The following ME3 variants were observed in gnomAD, a reference collection of about 807,000 sequenced individuals.
ME3 encodes NADP-dependent malic enzyme, mitochondrial.
Under a neutral mutation model 68.9 loss-of-function variants are expected in ME3, and 48 were observed. The ratio of observed to expected loss-of-function variants is 0.70; its 90% CI spans 0.55 to 0.89. The LOEUF (loss-of-function observed/expected upper bound fraction) is 0.89, where lower values mean the gene tolerates loss of function less well. Ranked by LOEUF, ME3 falls within the 40% of genes least tolerant of loss-of-function variation. The pLI is 0.00. For synonymous variants in ME3, 320 were observed against 318.8 expected (o/e 1.00, Z -0.04); for missense variants, 675 against 797.4 (o/e 0.85, Z 1.85).
At chr11:86,646,518 A>G (rs1382676547) in intron 2 of ME3, among the ~76,000 whole-genome samples, 1 of 152,222 alleles carries the variant, frequency 6.6e-6, no homozygotes, top group African/African-American at 2.4e-5. Flanking sequence ...AATGAAAAGT[A>G]ACAAACAAAG....
intron 2 of ME3, among the ~76,000 whole-genome samples, chr11:86,649,916 C>G (rs748783935): frequency 1.3e-5 from 2 of 152,156 alleles, no homozygotes; most frequent in African/African-American, 2.4e-5. Context: ...CTATTCCCAT[C>G]AAGCTACCAT....
intron 6 of ME3, among the ~76,000 whole-genome samples, chr11:86,494,209 G>A (rs1415104037): frequency 1.3e-5 from 2 of 152,184 alleles, no homozygotes; most frequent in Non-Finnish European, 2.9e-5. Context: ...CCATTCCCTG[G>A]AGGGGAGGAT....
chr11:86,526,377 G>A (rs181347027), intron 4 of ME3, among the ~76,000 whole-genome samples: 6,862 of 152,272 alleles, frequency 0.045, 166 homozygotes, highest in South Asian at 0.099. Flanking sequence ...CGGGAAGCTC[G>A]AACTGGGTGG....
chr11:86,462,724 T>A, intron 8 of ME3: 5 of 574,836 alleles, frequency 8.7e-6, no homozygotes, highest in Non-Finnish European at 1.5e-5. Flanking sequence ...TCCAGAAGCT[T>A]ATTATCTTCT....
At chr11:86,543,665 C>G (rs186185160) in intron 4 of ME3, among the ~76,000 whole-genome samples, 17 of 152,200 alleles carry the variant, frequency 1.1e-4, no homozygotes, top group African/African-American at 3.4e-4. Context: ...CAAGTTCTTA[C>G]AGACCTACAA....
At chr11:86,502,402 G>T (rs1952784185) in intron 5 of ME3, among the ~76,000 whole-genome samples, 1 of 152,156 alleles carries the variant, frequency 6.6e-6, no homozygotes, top group Non-Finnish European at 1.5e-5. Context: ...GCCAGTAATG[G>T]GTTGTGTCAT....
At chr11:86,583,267 A>G (rs1435606822) in intron 2 of ME3, among the ~76,000 whole-genome samples, 1 of 152,216 alleles carries the variant, frequency 6.6e-6, no homozygotes, top group Non-Finnish European at 1.5e-5. Flanking sequence ...TAAATCTCAC[A>G]TTCCACTGGG....
At chr11:86,442,675 G>A in intron 14 of ME3, 146 bp downstream of exon 14, 1 of 610,848 alleles carries the variant, frequency 1.6e-6, no homozygotes, top group South Asian at 2.5e-5. Context: ...ACAAGAGTTT[G>A]TCACCCAGCC....
At chr11:86,481,946 T>A (rs554652501) in intron 7 of ME3, among the ~76,000 whole-genome samples, 1 of 152,184 alleles carries the variant, frequency 6.6e-6, no homozygotes, top group South Asian at 2.1e-4. Flanking sequence ...AGGTTCAGAG[T>A]CCTAAGCAAT....
intron 2 of ME3, among the ~76,000 whole-genome samples, chr11:86,663,839 C>A (rs1263592198): frequency 6.6e-6 from 1 of 152,192 alleles, no homozygotes; most frequent in Non-Finnish European, 1.5e-5. Context: ...TCCAAAAAAA[C>A]GCCATATATG....
chr11:86,454,159 C>A (rs140018980), intron 8 of ME3, among the ~76,000 whole-genome samples: 424 of 152,292 alleles, frequency 2.8e-3, no homozygotes, highest in Non-Finnish European at 4.0e-3. Context: ...AAATTGTTGT[C>A]ATCTATGGCT....
chr11:86,615,772 G>A (rs956443402), intron 2 of ME3, among the ~76,000 whole-genome samples: 3 of 152,298 alleles, frequency 2.0e-5, no homozygotes, highest in East Asian at 1.9e-4. Context: ...CTTAGGGGTT[G>A]GGGCTGGGGG....
chr11:86,587,461 T>G (rs910471169), intron 2 of ME3, among the ~76,000 whole-genome samples: 7 of 152,178 alleles, frequency 4.6e-5, no homozygotes, highest in Admixed American at 2.0e-4. Flanking sequence ...TCTCTTCGCT[T>G]TCCTCATGCC....
intron 2 of ME3, among the ~76,000 whole-genome samples, chr11:86,661,623 CACCATCT>C (rs1946283034): frequency 6.6e-6 from 1 of 152,184 alleles, no homozygotes; most frequent in African/African-American, 2.4e-5. Context: ...GCTTCTCCTC[CACCATCT>C]TCATCTACCA....
intron 2 of ME3, among the ~76,000 whole-genome samples, chr11:86,643,913 C>T (rs1944831670): frequency 6.6e-6 from 1 of 152,176 alleles, no homozygotes; most frequent in Non-Finnish European, 1.5e-5. Context: ...CTCCAGCATC[C>T]TCCCCTGTAT....
intron 2 of ME3, among the ~76,000 whole-genome samples, chr11:86,669,815 T>C (rs1287676279): frequency 6.6e-6 from 1 of 152,134 alleles, no homozygotes; most frequent in African/African-American, 2.4e-5. Flanking sequence ...ACCTAGGTTT[T>C]AAAAAAAGAC....
In ME3 at chr11:86,587,479, G is replaced by A. The variant is rs189455596; in HGVS notation, c.184-27656C>T. On this transcript the variant is annotated intron_variant, in intron 2 of 14. Transcript: ENST00000543262. ...CTTCGCTTTCCTCATGCCCCACCGTGCTGTGCTCACATGGTTGCTGTGATG... is the reference window on the plus strand; with the variant it reads ...CTTCGCTTTCCTCATGCCCCACCGTACTGTGCTCACATGGTTGCTGTGATG... Among the ~76,000 whole-genome samples the A allele has an allele frequency of 1.7e-3, 257 of 152,308 alleles. 1 individual carries two copies. Among genetic ancestry groups the A allele is most frequent in the Middle Eastern group, 3.4e-3 (1 of 294 alleles).
intron 2 of ME3, among the ~76,000 whole-genome samples, chr11:86,592,859 GCA>G (rs1425558041): frequency 6.6e-6 from 1 of 152,130 alleles, no homozygotes; most frequent in African/African-American, 2.4e-5. Flanking sequence ...TCAGAAAGGG[GCA>G]CAGTGATGGG....
intron 2 of ME3, among the ~76,000 whole-genome samples, chr11:86,584,921 T>C (rs370756413): frequency 1.3e-5 from 2 of 152,142 alleles, no homozygotes; most frequent in East Asian, 1.9e-4. Flanking sequence ...AAAAATGTGT[T>C]AAGAGGGTAG....
Sources: allele counts gnomAD v4.1 joint callset (sites outside exome capture counted in the v4.1 genomes callset), GRCh38; gene constraint gnomAD v4.1.1; transcripts MANE v1.5; gene names NCBI Gene and HGNC (gene_info 2026-07-23, HGNC 2026-07-21).